Variants in HDAC9 observed in about 807,000 individuals in gnomAD.
HDAC9 encodes the protein histone deacetylase 9.
Under a neutral mutation model 139.4 loss-of-function variants are expected in HDAC9, and 41 were observed. The observed-to-expected ratio is 0.29, with a 90% CI of 0.23 to 0.38. HDAC9 has a LOEUF of 0.38. Ranked by LOEUF, HDAC9 falls within the 10% of genes least tolerant of loss-of-function variation. The pLI, the probability that HDAC9 is intolerant of heterozygous loss-of-function variation, is 1.00. For synonymous variants in HDAC9, 517 were observed against 476.2 expected (o/e 1.09, Z -1.12); for missense variants, 1,147 against 1,297.0 (o/e 0.88, Z 1.78).
chr7:18,657,437 C>G (rs191943080), intron 11 of HDAC9, among the ~76,000 whole-genome samples: 16 of 152,230 alleles, frequency 1.1e-4, no homozygotes, highest in African/African-American at 3.6e-4. Flanking sequence ...ATAAGGATGC[C>G]TTTCCACACT....
intron 12 of HDAC9, chr7:18,666,760 T>TTAAATTTA: frequency 8.3e-7 from 1 of 1,200,548 alleles, no homozygotes. Context: ...TCTGAGCAGT[T>TTAAATTTA]AATAGGCTTT....
intron 12 of HDAC9, among the ~76,000 whole-genome samples, chr7:18,708,133 A>G (rs1784077199): frequency 6.6e-6 from 1 of 152,170 alleles, no homozygotes; most frequent in Non-Finnish European, 1.5e-5. Context: ...GTGGGTGCTG[A>G]TAAGAGTGTA....
At chr7:18,191,933 T>C (rs1790373599) in intron 2 of HDAC9, among the ~76,000 whole-genome samples, 2 of 152,204 alleles carry the variant, frequency 1.3e-5, no homozygotes, top group African/African-American at 2.4e-5. Flanking sequence ...ATTGCTGCCC[T>C]TGAGGAGACA....
intron 2 of HDAC9, among the ~76,000 whole-genome samples, chr7:18,234,129 C>T (rs59534338): frequency 9.9e-5 from 15 of 152,126 alleles, no homozygotes; most frequent in Non-Finnish European, 2.1e-4. Flanking sequence ...AGAGCTTTCT[C>T]CCTTCCAGAC....
chr7:18,453,346 C>A (rs1158478244), intron 1 of HDAC9, among the ~76,000 whole-genome samples: 1 of 152,082 alleles, frequency 6.6e-6, no homozygotes, highest in Non-Finnish European at 1.5e-5. Flanking sequence ...GAATTTAATT[C>A]TGGAGCTAAA....
chr7:18,512,727 A>G (rs771165055), intron 2 of HDAC9, among the ~76,000 whole-genome samples: 1 of 152,204 alleles, frequency 6.6e-6, no homozygotes, highest in Non-Finnish European at 1.5e-5. Flanking sequence ...TTTCTTCTAT[A>G]CATTATATGT....
At chr7:18,621,462 A>G (rs1020908403) in intron 6 of HDAC9, among the ~76,000 whole-genome samples, 1 of 152,124 alleles carries the variant, frequency 6.6e-6, no homozygotes, top group Non-Finnish European at 1.5e-5. Context: ...GAAAAATGGT[A>G]ATCTTAACAA....
chr7:18,749,721 A>G (rs1788283789), intron 14 of HDAC9, among the ~76,000 whole-genome samples: 1 of 152,194 alleles, frequency 6.6e-6, no homozygotes, highest in Non-Finnish European at 1.5e-5. Context: ...TATGCTTTCA[A>G]AGGTTAAAAA....
intron 1 of HDAC9, among the ~76,000 whole-genome samples, chr7:18,424,992 G>A (rs1190402973): frequency 6.6e-6 from 1 of 152,086 alleles, no homozygotes; most frequent in Non-Finnish European, 1.5e-5. Context: ...TATTCAAATT[G>A]CACATTACTG....
At chr7:18,513,802 C>G (rs1586545546) in intron 2 of HDAC9, among the ~76,000 whole-genome samples, 1 of 152,324 alleles carries the variant, frequency 6.6e-6, no homozygotes, top group East Asian at 1.9e-4. Flanking sequence ...TTTTAATTCC[C>G]TAAACCAGAT....
chr7:18,918,699 C>A (rs1392294615), intron 22 of HDAC9, among the ~76,000 whole-genome samples: 2 of 151,974 alleles, frequency 1.3e-5, no homozygotes, highest in South Asian at 4.1e-4. Flanking sequence ...ACAAATTGTG[C>A]CACCTCCATT....
At chr7:18,806,505 A>C (rs1011232314) in intron 17 of HDAC9, among the ~76,000 whole-genome samples, 2 of 152,122 alleles carry the variant, frequency 1.3e-5, no homozygotes, top group African/African-American at 4.8e-5. Flanking sequence ...TATGGCATGG[A>C]ATCCTCATGT....
At chr7:18,547,336 G>C (rs1004887258) in intron 2 of HDAC9, among the ~76,000 whole-genome samples, 14 of 152,126 alleles carry the variant, frequency 9.2e-5, no homozygotes, top group South Asian at 2.1e-4. Flanking sequence ...CCCGGGTTCA[G>C]GCCATTCTCC....
intron 2 of HDAC9, among the ~76,000 whole-genome samples, chr7:18,546,880 G>A (rs75647021): frequency 0.018 from 2,777 of 152,138 alleles, 88 homozygotes; most frequent in African/African-American, 0.062. Flanking sequence ...TAGAGACCCC[G>A]TGGATAATCA....
At chr7:18,933,522 A>G (rs549486832) in intron 22 of HDAC9, among the ~76,000 whole-genome samples, 75 of 151,888 alleles carry the variant, frequency 4.9e-4, no homozygotes, top group African/African-American at 1.8e-3. Flanking sequence ...GAATTTCCAT[A>G]TATAAATTTT....
chr7:18,917,042 G>A (rs1803271815), intron 22 of HDAC9, among the ~76,000 whole-genome samples: 1 of 151,988 alleles, frequency 6.6e-6, no homozygotes, highest in African/African-American at 2.4e-5. Flanking sequence ...TGCCCAATCA[G>A]AGATGATACA....
intron 1 of HDAC9, among the ~76,000 whole-genome samples, chr7:18,399,009 T>G (rs1016254631): frequency 6.6e-6 from 1 of 152,152 alleles, no homozygotes; most frequent in Non-Finnish European, 1.5e-5. Flanking sequence ...TATTAAAAAA[T>G]TTCACCTTAT....
chr7:18,452,766 C>T (rs191504831), intron 1 of HDAC9, among the ~76,000 whole-genome samples: 8 of 152,234 alleles, frequency 5.3e-5, no homozygotes, highest in African/African-American at 9.6e-5. Flanking sequence ...TCTTGCCTGC[C>T]GCCATGTAAG....
intron 25 of HDAC9, among the ~76,000 whole-genome samples, chr7:18,993,918 C>T (rs565947629): frequency 3.9e-5 from 6 of 152,228 alleles, no homozygotes; most frequent in African/African-American, 7.2e-5. Flanking sequence ...AAAAAGAGGT[C>T]AATATAAAAT....
Sources: gnomAD v4.1 joint callset for allele counts (sites outside exome capture counted in the v4.1 genomes callset) on GRCh38, gnomAD v4.1.1 for gene constraint, MANE v1.5 for transcripts, NCBI Gene and HGNC (gene_info 2026-07-23, HGNC 2026-07-21) for gene names.